PCLO: variants seen among roughly 807,000 people sequenced by gnomAD.
PCLO encodes protein piccolo.
A neutral mutation model predicts 427.5 loss-of-function variants in PCLO; 82 were observed. The ratio of observed to expected loss-of-function variants is 0.19; its 90% CI spans 0.16 to 0.23. The LOEUF (loss-of-function observed/expected upper bound fraction) is 0.23. PCLO is among the 10% of genes least tolerant of loss of function. The pLI is 1.00. For synonymous variants in PCLO, 2,357 were observed against 2,155.4 expected (o/e 1.09, Z -2.59); for missense variants, 6,239 against 6,115.9 (o/e 1.02, Z -0.67).
At chr7:82,891,033 T>G (rs1793751590) in intron 9 of PCLO, among the ~76,000 whole-genome samples, 4 of 152,134 alleles carry the variant, frequency 2.6e-5, no homozygotes, top group Admixed American at 2.6e-4. Context: ...ATAAGACCAT[T>G]ATTACAAATG....
At chr7:82,948,107 A>T (rs1447052023) in intron 6 of PCLO, among the ~76,000 whole-genome samples, 1 of 152,104 alleles carries the variant, frequency 6.6e-6, no homozygotes, top group African/African-American at 2.4e-5. Flanking sequence ...CCTACACATT[A>T]TATAACTAAC....
In PCLO at chr7:82,955,315, C is replaced by A. The variant is rs1795483692; in HGVS notation, c.5638G>T (p.Val1880Leu). 1 of 1,613,238 alleles carries A rather than the reference C, an allele frequency of 6.2e-7. No homozygotes were observed. The highest frequency in any genetic ancestry group is 1.3e-5 in the African/African-American group (1 of 74,892). ...FEISPEKIIE[V>L]QKVYKLPTAV... ...GTGGGCAATTTATAAACTTTTTGTA[C>A]TTCTATTATTTTTTCCGGGCTTATT... The change falls in exon 5 of 25, where the codon GTA becomes TTA. Residue 1880 changes from valine to leucine, a missense_variant. Val to Leu is a conservative substitution (Grantham distance 32). Transcript: ENST00000333891.
chr7:82,808,976 G>A (rs76774421), intron 20 of PCLO, among the ~76,000 whole-genome samples: 2,646 of 151,954 alleles, frequency 0.017, 90 homozygotes, highest in African/African-American at 0.061. Flanking sequence ...GTTTTGATAA[G>A]CTGGTTCTAA....
At chr7:82,771,797 G>T (rs1166134495) in intron 22 of PCLO, among the ~76,000 whole-genome samples, 1 of 152,050 alleles carries the variant, frequency 6.6e-6, no homozygotes, top group South Asian at 2.1e-4. Flanking sequence ...TATTTATGGG[G>T]AGATTAGCAT....
In PCLO at chr7:83,115,398, T is replaced by C. The variant is rs930123958; in HGVS notation, c.3300+18852A>G. On this transcript the variant is annotated intron_variant, in intron 3 of 24. Coordinates refer to ENST00000333891, the MANE Select transcript of PCLO (RefSeq NM_033026.6). ...AAAATGTATAATAGTTATTCTGCCATGGCTAAAAAGTAATCTAAATAATAT... is the reference window on the plus strand; with the variant it reads ...AAAATGTATAATAGTTATTCTGCCACGGCTAAAAAGTAATCTAAATAATAT... Among the ~76,000 whole-genome samples, 4 of 152,060 alleles carry C rather than the reference T, an allele frequency of 2.6e-5. No individual in the cohort carries two copies. The South Asian group carries it at 8.3e-4, about 32-fold the overall frequency.
intron 22 of PCLO, among the ~76,000 whole-genome samples, chr7:82,790,278 C>T (rs577273975): frequency 3.1e-4 from 47 of 152,238 alleles, no homozygotes; most frequent in African/African-American, 1.1e-3. Context: ...AGTGTGGAGT[C>T]TAAGTTCTTC....
At chr7:82,948,742 CTATA>C (rs1365708013) in intron 6 of PCLO, among the ~76,000 whole-genome samples, 1 of 151,916 alleles carries the variant, frequency 6.6e-6, no homozygotes, top group African/African-American at 2.4e-5. Flanking sequence ...TGAAGCATAC[CTATA>C]TATTTGAAAA....
At chr7:83,097,002 TAA>T (rs1562962446) in intron 3 of PCLO, among the ~76,000 whole-genome samples, 11 of 33,514 alleles carry the variant, frequency 3.3e-4, no homozygotes, top group African/African-American at 1.4e-3. Context: ...ATATATTATA[TAA>T]ATAATATATA....
chr7:82,842,622 C>G (rs1162808709), intron 13 of PCLO, among the ~76,000 whole-genome samples: 1 of 151,992 alleles, frequency 6.6e-6, no homozygotes, highest in South Asian at 2.1e-4. Flanking sequence ...AAGAGACAAC[C>G]TATAGAATGT....
At chr7:82,822,221 C>T in intron 20 of PCLO, 5 of 1,300,758 alleles carry the variant, frequency 3.8e-6, no homozygotes, top group Non-Finnish European at 4.9e-6. Flanking sequence ...CCAAACATCA[C>T]AGACACTGTA....
At chr7:82,896,910 G>T (rs1419195446) in intron 9 of PCLO, among the ~76,000 whole-genome samples, 1 of 151,574 alleles carries the variant, frequency 6.6e-6, no homozygotes, top group African/African-American at 2.4e-5. Flanking sequence ...GATGTAGCCA[G>T]TCCATTATGG....
chr7:82,781,377 G>C (rs1054258649), intron 22 of PCLO, among the ~76,000 whole-genome samples: 16 of 151,600 alleles, frequency 1.1e-4, no homozygotes, highest in African/African-American at 3.9e-4. Flanking sequence ...GTGTAGGTTT[G>C]TTCCGTAGGT....
intron 3 of PCLO, among the ~76,000 whole-genome samples, chr7:83,127,717 T>G (rs1456455010): frequency 6.6e-6 from 1 of 152,086 alleles, no homozygotes; most frequent in South Asian, 2.1e-4. Flanking sequence ...GCCACAGAGA[T>G]AGTATAAACA....
At chr7:82,981,431 A>G (rs1796144141) in intron 3 of PCLO, among the ~76,000 whole-genome samples, 1 of 152,138 alleles carries the variant, frequency 6.6e-6, no homozygotes, top group African/African-American at 2.4e-5. Flanking sequence ...GAAAACCAGT[A>G]GTTTTTAGTA....
chr7:83,093,804 TAA>T (rs55783549), intron 3 of PCLO, among the ~76,000 whole-genome samples: 59,038 of 126,226 alleles, frequency 0.47, 13,653 homozygotes, highest in East Asian at 0.62. Context: ...CCACAAATAT[TAA>T]AAAAAAAAAA....
intron 3 of PCLO, among the ~76,000 whole-genome samples, chr7:83,106,530 C>T (rs1226544377): frequency 6.6e-6 from 1 of 152,098 alleles, no homozygotes; most frequent in East Asian, 1.9e-4. Context: ...TAACTACTCT[C>T]TTTTATTAGC....
chr7:83,082,119 A>G (rs1790116548), intron 3 of PCLO, among the ~76,000 whole-genome samples: 1 of 149,488 alleles, frequency 6.7e-6, no homozygotes, highest in African/African-American at 2.4e-5. Context: ...TATACTATAC[A>G]CACACACACA....
At chr7:82,931,853 A>G (rs1396082824) in intron 6 of PCLO, among the ~76,000 whole-genome samples, 1 of 152,088 alleles carries the variant, frequency 6.6e-6, no homozygotes, top group Admixed American at 6.6e-5. Flanking sequence ...GGACTCCACA[A>G]GGGCATAAAT....
chr7:82,975,007 G>C (rs1310100621), intron 3 of PCLO, among the ~76,000 whole-genome samples: 1 of 151,994 alleles, frequency 6.6e-6, no homozygotes, highest in African/African-American at 2.4e-5. Context: ...TCGATCTCCT[G>C]ACCTGGTGAT....
Sources: gnomAD v4.1 joint callset for allele counts (sites outside exome capture counted in the v4.1 genomes callset) on GRCh38, gnomAD v4.1.1 for gene constraint, MANE v1.5 for transcripts, NCBI Gene and HGNC (gene_info 2026-07-23, HGNC 2026-07-21) for gene names.